SLC9A8: variants seen among roughly 807,000 people sequenced by gnomAD.
The protein encoded by SLC9A8 is sodium/hydrogen exchanger 8.
A neutral mutation model predicts 66.6 loss-of-function variants in SLC9A8; 48 were observed. The observed-to-expected ratio is 0.72, with a 90% CI of 0.57 to 0.92. SLC9A8 has a LOEUF of 0.92. Among genes scored for constraint, SLC9A8 ranks in the 40% least tolerant of loss-of-function variants. SLC9A8 has a pLI of 0.00. For missense variants in SLC9A8, 599 were observed against 747.3 expected, an observed-to-expected ratio of 0.80 and a Z score of 2.31; for synonymous variants, 274 against 282.6, an observed-to-expected ratio of 0.97 and a Z score of 0.31.
chr20:49,826,723 T>G (rs2086924769), intron 3 of SLC9A8, among the ~76,000 whole-genome samples: 3 of 152,236 alleles, frequency 2.0e-5, no homozygotes, highest in South Asian at 2.1e-4. Context: ...TTCTGTAGTT[T>G]GGGCCTTTTA....
intron 3 of SLC9A8, among the ~76,000 whole-genome samples, chr20:49,835,788 C>G (rs2087510877): frequency 6.9e-6 from 1 of 144,668 alleles, no homozygotes; most frequent in Admixed American, 7.3e-5. Context: ...TGGGTTCAAG[C>G]GATTTTCCTG....
chr20:49,863,140 C>T, intron 9 of SLC9A8, 73 bp downstream of exon 9: 2 of 1,394,928 alleles, frequency 1.4e-6, no homozygotes, highest in Non-Finnish European at 1.9e-6. Context: ...CCAGTTTCTC[C>T]TGTTTTTTAA....
In SLC9A8 at chr20:49,849,565, G is replaced by C. The variant is rs1488733282; in HGVS notation, c.433-14G>C. 1.3e-6 allele frequency: 2 copies of C among 1,595,400 alleles called. No individual in the cohort carries two copies. Among genetic ancestry groups the C allele is most frequent in the Non-Finnish European group, 1.7e-6 (2 of 1,163,398 alleles). On this transcript the variant is annotated splice_polypyrimidine_tract_variant and intron_variant, in intron 5 of 15. Transcript: ENST00000361573. ...TTTTCTAATCATTTCCCTGATTTCTGCTCTTTCAAACAGGGTAACTTCTTT... is the reference window on the plus strand; with the variant it reads ...TTTTCTAATCATTTCCCTGATTTCTCCTCTTTCAAACAGGGTAACTTCTTT...
chr20:49,839,060 A>C (rs910689627), intron 3 of SLC9A8, among the ~76,000 whole-genome samples: 2 of 152,224 alleles, frequency 1.3e-5, no homozygotes, highest in Non-Finnish European at 2.9e-5. Flanking sequence ...GGAATTTCAC[A>C]GAACTTTTAC....
At chr20:49,840,194 C>T (rs1392599801) in intron 4 of SLC9A8, among the ~76,000 whole-genome samples, 1 of 152,108 alleles carries the variant, frequency 6.6e-6, no homozygotes, top group East Asian at 1.9e-4. Context: ...GCAGTGTTTT[C>T]TCCACCATAC....
At chr20:49,827,211 G>A (rs943960674) in intron 3 of SLC9A8, among the ~76,000 whole-genome samples, 30 of 151,294 alleles carry the variant, frequency 2.0e-4, no homozygotes, top group African/African-American at 6.3e-4. Context: ...CAAAGTGCTG[G>A]GATTACAGGC....
At chr20:49,875,148 A>T (rs568665304) in intron 11 of SLC9A8, among the ~76,000 whole-genome samples, 3 of 152,068 alleles carry the variant, frequency 2.0e-5, no homozygotes, top group Non-Finnish European at 4.4e-5. Flanking sequence ...AATATTAATG[A>T]TGGTTTGGTG....
intron 10 of SLC9A8, among the ~76,000 whole-genome samples, chr20:49,871,537 C>T (rs1038389710): frequency 1.3e-5 from 2 of 152,226 alleles, no homozygotes; most frequent in African/African-American, 4.8e-5. Context: ...CTGGTTTGCA[C>T]CAACCCCCGC....
intron 15 of SLC9A8, 152 bp downstream of exon 15, chr20:49,887,050 C>A: frequency 1.3e-6 from 1 of 789,222 alleles, no homozygotes; most frequent in Non-Finnish European, 2.0e-6. Flanking sequence ...GGAGGCTGGA[C>A]GTGCTTGTGG....
At chr20:49,846,351 TA>T (rs1408950445) in intron 5 of SLC9A8, among the ~76,000 whole-genome samples, 1 of 152,056 alleles carries the variant, frequency 6.6e-6, no homozygotes, top group Admixed American at 6.6e-5. Context: ...TTGGAAAGTT[TA>T]GGCCAGTCCT....
At chr20:49,855,290 G>T in intron 7 of SLC9A8, 148 bp from the exon 8 acceptor site, 1 of 814,264 alleles carries the variant, frequency 1.2e-6, no homozygotes, top group Non-Finnish European at 2.0e-6. Flanking sequence ...GCAGATAAGT[G>T]GGGAAAAAAT....
At chr20:49,878,383 A>C (rs1335787086) in intron 12 of SLC9A8, among the ~76,000 whole-genome samples, 1 of 152,222 alleles carries the variant, frequency 6.6e-6, no homozygotes, top group African/African-American at 2.4e-5. Flanking sequence ...GCAGATTTCA[A>C]AATTGAATAT....
At chr20:49,825,760 C>T (rs2146480617) in intron 3 of SLC9A8, among the ~76,000 whole-genome samples, 1 of 152,272 alleles carries the variant, frequency 6.6e-6, no homozygotes, top group Admixed American at 6.5e-5. Flanking sequence ...TCTCCTGGAC[C>T]CAGTTCTTCT....
intron 3 of SLC9A8, among the ~76,000 whole-genome samples, 176 bp downstream of exon 3, chr20:49,823,317 G>A (rs985159154): frequency 6.6e-6 from 1 of 152,140 alleles, no homozygotes; most frequent in Non-Finnish European, 1.5e-5. Flanking sequence ...GGACACTGGG[G>A]CTCAAGAAGG....
chr20:49,834,908 A>G (rs1230033760), intron 3 of SLC9A8, among the ~76,000 whole-genome samples: 1 of 152,222 alleles, frequency 6.6e-6, no homozygotes, highest in Non-Finnish European at 1.5e-5. Flanking sequence ...CCATGGAAAG[A>G]GGTTTAACTT....
chr20:49,869,739 A>G (rs2089134303), intron 10 of SLC9A8, among the ~76,000 whole-genome samples: 1 of 152,018 alleles, frequency 6.6e-6, no homozygotes, highest in African/African-American at 2.4e-5. Flanking sequence ...AGGCTGAGGC[A>G]GGAGAATTGC....
intron 3 of SLC9A8, chr20:49,830,701 C>G: frequency 1.5e-6 from 1 of 682,966 alleles, no homozygotes; most frequent in South Asian, 1.6e-5. Flanking sequence ...AAGACCTCCT[C>G]CTTCCTAGGT....
intron 3 of SLC9A8, among the ~76,000 whole-genome samples, chr20:49,834,786 T>G (rs1342213342): frequency 1.3e-5 from 2 of 152,140 alleles, no homozygotes; most frequent in Non-Finnish European, 2.9e-5. Context: ...CATGTGTGAT[T>G]ATAAACGAGG....
At chr20:49,816,398 C>T (rs1419397619) in intron 2 of SLC9A8, among the ~76,000 whole-genome samples, 3 of 150,696 alleles carry the variant, frequency 2.0e-5, no homozygotes, top group Admixed American at 2.0e-4. Context: ...GTAGCCTGGG[C>T]GACAGAGTGA....
Sources: allele counts gnomAD v4.1 joint callset (sites outside exome capture counted in the v4.1 genomes callset), GRCh38; gene constraint gnomAD v4.1.1; transcripts MANE v1.5; gene names NCBI Gene and HGNC (gene_info 2026-07-23, HGNC 2026-07-21).